The following ARHGAP29 variants were observed in gnomAD, a reference collection of about 807,000 sequenced individuals.
ARHGAP29 encodes the protein rho GTPase-activating protein 29.
ARHGAP29 carries 43 observed loss-of-function variants against 122.6 expected under a neutral mutation model. The ratio of observed to expected loss-of-function variants is 0.35; its 90% CI spans 0.27 to 0.45. ARHGAP29 has a LOEUF of 0.45. Among genes scored for constraint, ARHGAP29 ranks in the 20% least tolerant of loss-of-function variants. The probability of loss-of-function intolerance (pLI) is 1.00; values close to 1 mark genes in which losing one functional copy is unlikely to be tolerated. For missense variants in ARHGAP29, 1,303 were observed against 1,477.2 expected (o/e 0.88, Z 1.93); for synonymous variants, 506 against 497.1 (o/e 1.02, Z -0.24).
chr1:94,210,537 G>A (rs769020228), intron 3 of ARHGAP29, among the ~76,000 whole-genome samples: 35 of 152,198 alleles, frequency 2.3e-4, no homozygotes, highest in Non-Finnish European at 4.3e-4. Context: ...ATAAGCCTCT[G>A]TAGATTGGCA....
intron 2 of ARHGAP29, 115 bp downstream of exon 2, chr1:94,231,290 TAA>T: frequency 1.3e-6 from 1 of 799,910 alleles, no homozygotes; most frequent in Non-Finnish European, 2.0e-6. Context: ...AAAAAAGCAC[TAA>T]AATAACTAAA....
chr1:94,309,866 T>C, the ARHGAP29 span, among the ~76,000 whole-genome samples: 2 of 152,164 alleles, frequency 1.3e-5, no homozygotes, highest in African/African-American at 4.8e-5. Flanking sequence ...AACAAAGGGA[T>C]GTTCTTTGGG....
the ARHGAP29 span, among the ~76,000 whole-genome samples, chr1:94,285,489 C>T: frequency 1.3e-5 from 2 of 152,022 alleles, no homozygotes; most frequent in Non-Finnish European, 2.9e-5. Context: ...AGAATATCAG[C>T]CTGGAAGGGT....
intron 22 of ARHGAP29, 36 bp downstream of exon 22, chr1:94,177,576 C>T (rs771938385): frequency 6.5e-7 from 1 of 1,531,750 alleles, no homozygotes; most frequent in South Asian, 1.2e-5. Flanking sequence ...AAATTTTAAG[C>T]CAGCAAACAT....
At chr1:94,302,329 A>T in the ARHGAP29 span, 6 of 279,978 alleles carry the variant, frequency 2.1e-5, no homozygotes, top group East Asian at 5.8e-4. Context: ...CATCTTCACT[A>T]CCATGGAGAA....
chr1:94,243,265 A>G (rs1471925863), intron 1 of ARHGAP29, among the ~76,000 whole-genome samples: 1 of 152,070 alleles, frequency 6.6e-6, no homozygotes, highest in African/African-American at 2.4e-5. Flanking sequence ...TTTCAAATGT[A>G]TATGGAATAT....
upstream of ARHGAP29, chr1:94,237,754 G>T: frequency 7.1e-6 from 7 of 985,344 alleles, no homozygotes; most frequent in Non-Finnish European, 8.4e-6. Flanking sequence ...AGTTGCGCGC[G>T]GCCGGACGCT....
intron 1 of ARHGAP29, among the ~76,000 whole-genome samples, chr1:94,270,646 C>T (rs1654953587): frequency 6.6e-6 from 1 of 152,172 alleles, no homozygotes; most frequent in South Asian, 2.1e-4. Context: ...GGCACCTATG[C>T]CATGCAGGGA....
At chr1:94,270,180 C>T (rs1198258619) in intron 1 of ARHGAP29, among the ~76,000 whole-genome samples, 3 of 152,176 alleles carry the variant, frequency 2.0e-5, no homozygotes, top group Non-Finnish European at 4.4e-5. Flanking sequence ...TACATACACT[C>T]TAGAATGTGG....
chr1:94,221,975 A>T (rs1156709417), intron 2 of ARHGAP29, among the ~76,000 whole-genome samples: 2 of 64,952 alleles, frequency 3.1e-5, no homozygotes, highest in East Asian at 8.4e-4. Context: ...GAAGAACTTT[A>T]AAAAAAAAAA....
At chr1:94,192,634 T>G (rs1199176502) in intron 12 of ARHGAP29, 2 of 152,232 alleles carry the variant, frequency 1.3e-5, no homozygotes, top group Non-Finnish European at 1.5e-5. Flanking sequence ...TATGACCAGA[T>G]GAACTGTAGT....
chr1:94,210,542 T>C (rs1293736823), intron 3 of ARHGAP29, among the ~76,000 whole-genome samples: 2 of 152,234 alleles, frequency 1.3e-5, no homozygotes, highest in Admixed American at 6.5e-5. Flanking sequence ...CCTCTGTAGA[T>C]TGGCAGGTGG....
chr1:94,286,214 T>C, the ARHGAP29 span, among the ~76,000 whole-genome samples: 2 of 152,188 alleles, frequency 1.3e-5, no homozygotes, highest in Non-Finnish European at 2.9e-5. Context: ...TCTTCCTCTT[T>C]TTATAAGGCC....
At chr1:94,250,929 CT>C (rs562506604) in intron 1 of ARHGAP29, among the ~76,000 whole-genome samples, 85 of 152,264 alleles carry the variant, frequency 5.6e-4, no homozygotes, top group African/African-American at 2.0e-3. Context: ...TATAAGGTAA[CT>C]CCCCTAATAA....
intron 1 of ARHGAP29, among the ~76,000 whole-genome samples, chr1:94,245,112 T>C (rs1653740016): frequency 6.6e-6 from 1 of 152,200 alleles, no homozygotes; most frequent in South Asian, 2.1e-4. Flanking sequence ...GGTGAGGATG[T>C]AGGGCAACTG....
intron 19 of ARHGAP29, 41 bp downstream of exon 19, chr1:94,184,109 GT>G (rs1478472477): frequency 2.5e-6 from 4 of 1,585,994 alleles, no homozygotes; most frequent in East Asian, 4.5e-5. Flanking sequence ...TATTTTTGCT[GT>G]TTTTAATTTA....
chr1:94,216,104 C>T (rs985884551), intron 3 of ARHGAP29, among the ~76,000 whole-genome samples: 1 of 152,138 alleles, frequency 6.6e-6, no homozygotes, highest in African/African-American at 2.4e-5. Context: ...AGAACCTATA[C>T]TGAAGGCATC....
At chr1:94,218,821 A>G (rs778156823) in intron 3 of ARHGAP29, among the ~76,000 whole-genome samples, 9 of 152,196 alleles carry the variant, frequency 5.9e-5, no homozygotes, top group Non-Finnish European at 1.2e-4. Context: ...CCTTAAGTAT[A>G]TGAACTATAT....
chr1:94,278,060 A>G (rs1655246416), upstream of ARHGAP29, among the ~76,000 whole-genome samples: 1 of 152,248 alleles, frequency 6.6e-6, no homozygotes, highest in Non-Finnish European at 1.5e-5. Flanking sequence ...TCATGCCTGT[A>G]ATTCCAGAGC....
Sources: gnomAD v4.1 joint callset for allele counts (sites outside exome capture counted in the v4.1 genomes callset) on GRCh38, gnomAD v4.1.1 for gene constraint, MANE v1.5 for transcripts, NCBI Gene and HGNC (gene_info 2026-07-23, HGNC 2026-07-21) for gene names.